The following HKDC1 variants were observed in gnomAD, a reference collection of about 807,000 sequenced individuals.
HKDC1 encodes hexokinase domain containing 1, also known as hexokinase HKDC1.
HKDC1 carries 66 observed loss-of-function variants against 96.6 expected under a neutral mutation model. That is an observed-to-expected ratio of 0.68 (90% CI 0.56 to 0.84). The LOEUF (loss-of-function observed/expected upper bound fraction) is 0.84. Ranked by LOEUF, HKDC1 falls within the 40% of genes least tolerant of loss-of-function variation. The probability of loss-of-function intolerance (pLI) is 0.00; values close to 1 mark genes in which losing one functional copy is unlikely to be tolerated. For synonymous variants in HKDC1, 466 were observed against 473.1 expected, an observed-to-expected ratio of 0.98 and a Z score of 0.20; for missense variants, 1,211 against 1,208.1, an observed-to-expected ratio of 1.00 and a Z score of -0.04.
At chr10:69,223,953 A>ATT (rs1168587449) in intron 1 of HKDC1, among the ~76,000 whole-genome samples, 22 of 150,904 alleles carry the variant, frequency 1.5e-4, no homozygotes, top group African/African-American at 5.3e-4. Context: ...TCATGCCTGT[A>ATT]ATCCCAGCAC....
chr10:69,244,108 A>G (rs1843499888), intron 7 of HKDC1, among the ~76,000 whole-genome samples: 1 of 152,164 alleles, frequency 6.6e-6, no homozygotes, highest in Non-Finnish European at 1.5e-5. Flanking sequence ...TGACTCTGGC[A>G]GGACCTTCCC....
intron 8 of HKDC1, 89 bp from the exon 9 acceptor site, chr10:69,247,271 C>G (rs1843556084): frequency 5.9e-6 from 5 of 847,350 alleles, no homozygotes; most frequent in Non-Finnish European, 9.8e-6. Context: ...TTAATTTTCA[C>G]AATCCTGAGA....
At chr10:69,229,562 A>G (rs1289052573) in intron 2 of HKDC1, among the ~76,000 whole-genome samples, 1 of 152,148 alleles carries the variant, frequency 6.6e-6, no homozygotes, top group African/African-American at 2.4e-5. Flanking sequence ...CCTGGACTGC[A>G]GCCCCTCCTC....
chr10:69,239,513 G>T (rs1401928184), intron 5 of HKDC1, among the ~76,000 whole-genome samples: 1 of 152,070 alleles, frequency 6.6e-6, no homozygotes, highest in African/African-American at 2.4e-5. Context: ...ATTCTTTCTG[G>T]GCTGGTTCTC....
At chr10:69,239,507 T>C (rs1843420940) in intron 5 of HKDC1, among the ~76,000 whole-genome samples, 1 of 152,216 alleles carries the variant, frequency 6.6e-6, no homozygotes, top group Admixed American at 6.5e-5. Context: ...TTCCATATTC[T>C]TTCTGGGCTG....
chr10:69,237,750 G>T (rs2394532), intron 4 of HKDC1, among the ~76,000 whole-genome samples: 1 of 152,106 alleles, frequency 6.6e-6, no homozygotes, highest in South Asian at 2.1e-4. Context: ...GTTAGGGAGA[G>T]CTGCCACACG....
chr10:69,248,545 G>C lies in HKDC1; in HGVS notation c.1387G>C (p.Val463Leu). The change falls in exon 10 of 18, where the codon GTG becomes CTG. Residue 463 changes from valine (V) to leucine (L), a missense_variant. By Grantham distance (32) the Val-to-Leu change is conservative. Transcript: ENST00000354624. ...AAMVTAVASR[V>L]QAQRKQIDRV... Reference sequence around the variant, plus strand: ...CATGGTGACCGCGGTGGCCTCCCGCGTGCAGGCCCAGCGGAAGCAGATCGA... The same window carrying C: ...CATGGTGACCGCGGTGGCCTCCCGCCTGCAGGCCCAGCGGAAGCAGATCGA... 1 of 1,614,090 alleles carries C rather than the reference G, an allele frequency of 6.2e-7. No homozygotes were observed. The highest frequency in any genetic ancestry group is 8.5e-7 in the Non-Finnish European group (1 of 1,180,022).
intron 1 of HKDC1, among the ~76,000 whole-genome samples, chr10:69,222,486 A>G (rs758538824): frequency 6.6e-6 from 1 of 152,190 alleles, no homozygotes; most frequent in East Asian, 1.9e-4. Flanking sequence ...CCCACCCCCA[A>G]GGGGGAGCCT....
chr10:69,228,349 A>G (rs1174980880), intron 2 of HKDC1, among the ~76,000 whole-genome samples: 1 of 152,126 alleles, frequency 6.6e-6, no homozygotes, highest in Admixed American at 6.5e-5. Flanking sequence ...TCCCAACTTC[A>G]AGGTCAGCTG....
At chr10:69,256,571 G>A (rs1843719011) in intron 12 of HKDC1, among the ~76,000 whole-genome samples, 1 of 152,172 alleles carries the variant, frequency 6.6e-6, no homozygotes, top group Admixed American at 6.5e-5. Context: ...AGCTGGGCGT[G>A]GTGGCACATG....
Position 69,243,296 on chromosome 10 carries a change from C to A in HKDC1, c.806C>A (p.Ala269Asp). 1 of 1,613,484 alleles carries A rather than the reference C, an allele frequency of 6.2e-7. No homozygotes were observed. The highest frequency in any genetic ancestry group is 8.5e-7 in the Non-Finnish European group (1 of 1,179,696). The part of the protein sequence containing the change: ...TEWGAFGDDG[A>D]LEDIRTEFDR... ...TGGGGGGCCTTCGGGGACGACGGGG[C>A]CCTGGAGGACATTCGCACTGAGTTC... Residue 269 changes from alanine (A) to aspartate (D), a missense_variant, in exon 7 of 18, where the codon GCC (alanine) becomes GAC (aspartate). Ala to Asp is a moderately radical substitution (Grantham distance 126). Transcript: ENST00000354624.
intron 16 of HKDC1, among the ~76,000 whole-genome samples, chr10:69,262,366 A>C (rs1364134750): frequency 6.6e-6 from 1 of 151,974 alleles, no homozygotes; most frequent in Non-Finnish European, 1.5e-5. Context: ...TCATTTCCTT[A>C]GTAGTAGAAA....
chr10:69,237,833 A>C (rs916875824), intron 4 of HKDC1, among the ~76,000 whole-genome samples: 1 of 152,176 alleles, frequency 6.6e-6, no homozygotes, highest in African/African-American at 2.4e-5. Flanking sequence ...CTTGGGCTCT[A>C]TCCTTCACTC....
At chr10:69,220,572 AATC>A (rs572242498) in intron 1 of HKDC1, 74 bp downstream of exon 1, 1 of 1,111,206 alleles carries the variant, frequency 9.0e-7, no homozygotes, top group Non-Finnish European at 1.3e-6. Context: ...TTAAAAAAAA[AATC>A]AGAAGGGAGT....
At chr10:69,253,314 G>A (rs1244198665) in intron 12 of HKDC1, among the ~76,000 whole-genome samples, 1 of 152,170 alleles carries the variant, frequency 6.6e-6, no homozygotes, top group Non-Finnish European at 1.5e-5. Context: ...TGCAGATGGA[G>A]GGAGACAGTT....
At chr10:69,262,425 A>T (rs991294760) in intron 16 of HKDC1, among the ~76,000 whole-genome samples, 2 of 151,050 alleles carry the variant, frequency 1.3e-5, no homozygotes, top group African/African-American at 2.4e-5. Context: ...TTTTTTTTTT[A>T]AAGTAGTTTC....
intron 4 of HKDC1, among the ~76,000 whole-genome samples, chr10:69,237,276 T>TG (rs1589406954): frequency 5.7e-5 from 4 of 69,848 alleles, no homozygotes; most frequent in African/African-American, 1.3e-4. Context: ...GAGAAATTTC[T>TG]TTGTGTGTGT....
At chr10:69,228,678 C>T (rs1415951139) in intron 2 of HKDC1, among the ~76,000 whole-genome samples, 1 of 152,026 alleles carries the variant, frequency 6.6e-6, no homozygotes, top group Non-Finnish European at 1.5e-5. Flanking sequence ...CCAGCCTGGC[C>T]AACATGGTGA....
intron 17 of HKDC1, 132 bp downstream of exon 17, chr10:69,265,950 T>G (rs1843892080): frequency 2.9e-6 from 2 of 687,484 alleles, no homozygotes; most frequent in East Asian, 5.5e-5. Flanking sequence ...GAGTGCTGTG[T>G]GGTCAAGTCA....
Sources: gnomAD v4.1 joint callset for allele counts (sites outside exome capture counted in the v4.1 genomes callset) on GRCh38, gnomAD v4.1.1 for gene constraint, MANE v1.5 for transcripts, NCBI Gene and HGNC (gene_info 2026-07-23, HGNC 2026-07-21) for gene names.